TSPAN9: variants seen among roughly 807,000 people sequenced by gnomAD.
TSPAN9 encodes the protein tetraspanin-9.
A neutral mutation model predicts 31.0 loss-of-function variants in TSPAN9; 16 were observed. That is an observed-to-expected ratio of 0.52 (90% confidence interval 0.35 to 0.78). The LOEUF (loss-of-function observed/expected upper bound fraction) is 0.78. Among genes scored for constraint, TSPAN9 ranks in the 30% least tolerant of loss-of-function variants. TSPAN9 has a pLI of 0.01. For synonymous variants in TSPAN9, 145 were observed against 121.6 expected, an observed-to-expected ratio of 1.19 and a Z score of -1.27; for missense variants, 272 against 312.5, an observed-to-expected ratio of 0.87 and a Z score of 0.98.
Position 3,192,685 on chromosome 12 carries a change from G to A in TSPAN9, c.-17-8492G>A, listed in dbSNP as rs2098365053. 1.3e-5 allele frequency among the ~76,000 whole-genome samples: 2 copies of A among 152,244 alleles called. No individual in the cohort carries two copies. The highest frequency in any genetic ancestry group is 1.5e-5 in the Non-Finnish European group (1 of 68,014). On this transcript the variant is annotated intron_variant, in intron 2 of 8. Coordinates refer to ENST00000011898, the MANE Select transcript of TSPAN9 (RefSeq NM_006675.5). This position sits in a 1 kb window ranked among gnomAD's most constrained non-coding sequence, Gnocchi z 4.6. ...GGCTCAGGAGACAAGTCAGGTCCAGGTGTGCATTTAGGGGGTCAACAGCAT... is the reference window on the plus strand; with the variant it reads ...GGCTCAGGAGACAAGTCAGGTCCAGATGTGCATTTAGGGGGTCAACAGCAT...
chr12:3,196,320 C>A (rs2098367067), intron 2 of TSPAN9, among the ~76,000 whole-genome samples: 2 of 152,170 alleles, frequency 1.3e-5, no homozygotes, highest in African/African-American at 4.8e-5. Flanking sequence ...TATTAGCAGT[C>A]CAGGAGCACT....
chr12:3,093,594 TAGA>T (rs1448378259), intron 2 of TSPAN9, among the ~76,000 whole-genome samples: 1 of 152,178 alleles, frequency 6.6e-6, no homozygotes, highest in African/African-American at 2.4e-5. Context: ...GATCCCCCAT[TAGA>T]AGAGTGCCTG....
At chr12:3,079,132 G>T (rs982838573) in intron 1 of TSPAN9, among the ~76,000 whole-genome samples, 2 of 151,830 alleles carry the variant, frequency 1.3e-5, no homozygotes, top group African/African-American at 4.8e-5. Flanking sequence ...GGCGCGTGCC[G>T]CCACGCCTTC....
intron 1 of TSPAN9, among the ~76,000 whole-genome samples, chr12:3,081,844 G>GTATATATATATA (rs57307487): frequency 0.016 from 1,845 of 116,734 alleles, 42 homozygotes; most frequent in East Asian, 0.053. Context: ...GTCTGTGTGT[G>GTATATATATATA]TATATATATG....
intron 3 of TSPAN9, 61 bp downstream of exon 3, chr12:3,201,317 G>GTGAA (rs1462647903): frequency 8.4e-5 from 122 of 1,453,172 alleles, no homozygotes; most frequent in Admixed American, 1.0e-4. Flanking sequence ...TTACCATAGC[G>GTGAA]TGAATACCCT....
Position 3,157,369 on chromosome 12 carries a change from A to T in TSPAN9, c.-17-43808A>T, listed in dbSNP as rs11834261. Among the ~76,000 whole-genome samples, 15 of 152,198 alleles carry T rather than the reference A, an allele frequency of 9.9e-5. No homozygotes were observed. The East Asian group carries it at 1.9e-3, about 20-fold the overall frequency. ...CCCCACCTCGGCCTCCCAAAGTGCT[A>T]GGATTACAGGCGTGAGCCACTGCAC... is the stretch of plus-strand genomic sequence containing the variant. On this transcript the variant is annotated intron_variant, in intron 2 of 8. Transcript: ENST00000011898.
intron 2 of TSPAN9, among the ~76,000 whole-genome samples, chr12:3,132,166 C>T (rs1449520769): frequency 6.6e-6 from 1 of 152,138 alleles, no homozygotes; most frequent in Non-Finnish European, 1.5e-5. Flanking sequence ...TTCTGTTCTT[C>T]TGTTGATGGA....
rs368985947 is a variant in TSPAN9 at position 3,188,392 on chromosome 12, C to A, written c.-17-12785C>A. ...TGTGTTCATCTCTGCAGGAAGCAGA[C>A]AGAGCGGCAGGGGGAATATGCATTC... On this transcript the variant is annotated intron_variant, in intron 2 of 8. Transcript: ENST00000011898. 1.8e-4 allele frequency among the ~76,000 whole-genome samples: 28 copies of A among 152,290 alleles called. No individual in the cohort carries two copies. The East Asian group carries it at 2.7e-3, about 15-fold the overall frequency.
chr12:3,151,840 T>G (rs1041183140), intron 2 of TSPAN9, among the ~76,000 whole-genome samples: 5 of 152,064 alleles, frequency 3.3e-5, no homozygotes, highest in African/African-American at 1.2e-4. Context: ...GGAGAGTCGC[T>G]TGAACCCGTG....
At chr12:3,086,143 C>T (rs1210016632) in intron 2 of TSPAN9, among the ~76,000 whole-genome samples, 1 of 152,220 alleles carries the variant, frequency 6.6e-6, no homozygotes, top group Non-Finnish European at 1.5e-5. Flanking sequence ...GAATATCTGC[C>T]TGGAGCAGGT....
chr12:3,102,435 ATT>A (rs33918863), intron 2 of TSPAN9, among the ~76,000 whole-genome samples: 7 of 135,206 alleles, frequency 5.2e-5, no homozygotes, highest in East Asian at 4.3e-4. Context: ...CCAAGGAGGA[ATT>A]TTTTTTTTTT....
At chr12:3,261,433 G>T (rs1448814067) in intron 3 of TSPAN9, among the ~76,000 whole-genome samples, 1 of 152,164 alleles carries the variant, frequency 6.6e-6, no homozygotes, top group Non-Finnish European at 1.5e-5. Flanking sequence ...GTAGAGCTGG[G>T]ATTCAGAACC....
chr12:3,149,598 G>A (rs563333394), intron 2 of TSPAN9, among the ~76,000 whole-genome samples: 7 of 152,270 alleles, frequency 4.6e-5, no homozygotes, highest in African/African-American at 1.7e-4. Flanking sequence ...GAGTTGATTT[G>A]AGCCCTTTGG....
intron 3 of TSPAN9, among the ~76,000 whole-genome samples, chr12:3,266,368 A>G (rs995371582): frequency 2.4e-4 from 36 of 152,328 alleles, no homozygotes; most frequent in African/African-American, 8.4e-4. Flanking sequence ...AAATGAGGCT[A>G]TAGAGGCAAA....
chr12:3,185,380 G>A (rs765914352), intron 2 of TSPAN9, among the ~76,000 whole-genome samples: 1 of 152,144 alleles, frequency 6.6e-6, no homozygotes, highest in Non-Finnish European at 1.5e-5. Context: ...GGCAGGGTGG[G>A]GCTAGGAGTC....
chr12:3,205,146 G>C (rs977180263), intron 3 of TSPAN9, among the ~76,000 whole-genome samples: 3 of 152,182 alleles, frequency 2.0e-5, no homozygotes, highest in Admixed American at 2.0e-4. Context: ...GGCTGCTGGC[G>C]TAATTGCTAC....
chr12:3,103,383 T>A (rs1426264621), intron 2 of TSPAN9, among the ~76,000 whole-genome samples: 1 of 152,226 alleles, frequency 6.6e-6, no homozygotes, highest in East Asian at 1.9e-4. Flanking sequence ...CACGTGCTTA[T>A]CTGTATGGGA....
intron 2 of TSPAN9, among the ~76,000 whole-genome samples, chr12:3,161,940 C>T (rs931551991): frequency 2.6e-5 from 4 of 152,098 alleles, no homozygotes; most frequent in East Asian, 1.9e-4. Flanking sequence ...TTCAGCCTTC[C>T]GAAGTGTTGG....
At chr12:3,133,173 T>C (rs1407325614) in intron 2 of TSPAN9, among the ~76,000 whole-genome samples, 1 of 152,124 alleles carries the variant, frequency 6.6e-6, no homozygotes, top group Non-Finnish European at 1.5e-5. Context: ...AGTTTGTCCC[T>C]GTGCTCCAGA....
Sources: allele counts gnomAD v4.1 joint callset (sites outside exome capture counted in the v4.1 genomes callset), GRCh38; gene constraint gnomAD v4.1.1; non-coding constraint Gnocchi (gnomAD v3.1); transcripts MANE v1.5; gene names NCBI Gene and HGNC (gene_info 2026-07-23, HGNC 2026-07-21).